Variants in CSMD1 observed in about 807,000 individuals in gnomAD.
CSMD1 encodes CUB and sushi domain-containing protein 1.
CSMD1 carries 213 observed loss-of-function variants against 417.5 expected under a neutral mutation model. That is an observed-to-expected ratio of 0.51 (90% CI 0.46 to 0.57). The LOEUF is 0.57. CSMD1 is among the 20% of genes least tolerant of loss of function. The probability of loss-of-function intolerance (pLI) is 0.00; values close to 1 mark genes in which losing one functional copy is unlikely to be tolerated. For synonymous variants in CSMD1, 2,862 were observed against 1,736.8 expected (o/e 1.65, Z -16.11); for missense variants, 6,923 against 4,529.7 (o/e 1.53, Z -15.17).
chr8:3,276,516 C>T (rs1038146350), intron 26 of CSMD1, among the ~76,000 whole-genome samples: 2 of 152,176 alleles, frequency 1.3e-5, no homozygotes, highest in Non-Finnish European at 2.9e-5. Context: ...GAGTCTTATT[C>T]ACTATCATGA....
chr8:4,294,090 T>C (rs1797532621), intron 3 of CSMD1, among the ~76,000 whole-genome samples: 1 of 152,216 alleles, frequency 6.6e-6, no homozygotes, highest in Non-Finnish European at 1.5e-5. Flanking sequence ...GTTGAAGTTC[T>C]ATATTCCTGT....
chr8:3,817,465 G>C (rs1197523560), intron 5 of CSMD1, among the ~76,000 whole-genome samples: 1 of 151,326 alleles, frequency 6.6e-6, no homozygotes, highest in Non-Finnish European at 1.5e-5. Context: ...GTTTTTAGTA[G>C]AGACGGGGTT....
intron 20 of CSMD1, among the ~76,000 whole-genome samples, chr8:3,364,048 G>C (rs961037516): frequency 6.6e-6 from 1 of 152,086 alleles, no homozygotes; most frequent in African/African-American, 2.4e-5. Flanking sequence ...CGATTAACAG[G>C]AAAGAAGGCA....
intron 3 of CSMD1, among the ~76,000 whole-genome samples, chr8:4,078,962 T>A (rs1210513102): frequency 1.4e-5 from 2 of 144,710 alleles, no homozygotes; most frequent in African/African-American, 2.6e-5. Context: ...AAAGCTATCT[T>A]CTCTTCACTT....
Position 4,863,669 on chromosome 8 carries a change from C to G in CSMD1, c.85+130663G>C, listed in dbSNP as rs78985351. ...CACAGCAAGAATGTCTAATTTGAAT[C>G]TAAATGTGTGCATATCTTAGATTTA... On this transcript the variant is annotated intron_variant, in intron 1 of 69. Transcript: ENST00000635120. Among the ~76,000 whole-genome samples, 706 of 152,074 alleles carry G rather than the reference C, an allele frequency of 4.6e-3. 17 individuals carry two copies. Among genetic ancestry groups the G allele is most frequent in the African/African-American group, 0.016 (675 of 41,428 alleles).
At chr8:4,018,056 G>A (rs989418835) in intron 4 of CSMD1, among the ~76,000 whole-genome samples, 1 of 145,992 alleles carries the variant, frequency 6.8e-6, no homozygotes, top group Non-Finnish European at 1.5e-5. Context: ...CACTAGTGTG[G>A]GTATGTATGC....
intron 23 of CSMD1, among the ~76,000 whole-genome samples, chr8:3,318,638 G>A (rs1012941452): frequency 3.3e-5 from 5 of 152,186 alleles, no homozygotes; most frequent in Non-Finnish European, 5.9e-5. Flanking sequence ...TGCCCTTTGG[G>A]ACTCAGAGTT....
intron 3 of CSMD1, among the ~76,000 whole-genome samples, chr8:4,116,054 G>C (rs1802122405): frequency 6.6e-6 from 1 of 151,430 alleles, no homozygotes; most frequent in Non-Finnish European, 1.5e-5. Context: ...AGGCTAGATT[G>C]TAGTGGCAAT....
chr8:4,732,131 A>G, intron 1 of CSMD1, among the ~76,000 whole-genome samples: 1 of 152,072 alleles, frequency 6.6e-6, no homozygotes, highest in East Asian at 1.9e-4. Flanking sequence ...TCTGAGATTC[A>G]GAGGCTTCTA....
chr8:4,819,426 A>G (rs542104929), intron 1 of CSMD1, among the ~76,000 whole-genome samples: 1 of 151,130 alleles, frequency 6.6e-6, no homozygotes, highest in Non-Finnish European at 1.5e-5. Context: ...TAGAGCAAAT[A>G]AAATTTCCCA....
chr8:3,257,157 G>T (rs778593478), intron 26 of CSMD1, among the ~76,000 whole-genome samples: 1 of 151,996 alleles, frequency 6.6e-6, no homozygotes, highest in Non-Finnish European at 1.5e-5. Context: ...CCCCATCTCC[G>T]CTAAAAACAC....
chr8:3,263,311 C>G (rs1289810262), intron 26 of CSMD1, among the ~76,000 whole-genome samples: 1 of 152,174 alleles, frequency 6.6e-6, no homozygotes, highest in African/African-American at 2.4e-5. Flanking sequence ...GTTGGCCAGG[C>G]TAGTCTCGAA....
At chr8:3,687,789 T>G (rs896192031) in intron 7 of CSMD1, among the ~76,000 whole-genome samples, 2 of 152,156 alleles carry the variant, frequency 1.3e-5, no homozygotes, top group African/African-American at 4.8e-5. Flanking sequence ...AAACACTTGA[T>G]CTTTGCTCCA....
At chr8:3,621,053 T>C (rs1194157779) in intron 7 of CSMD1, among the ~76,000 whole-genome samples, 1 of 151,966 alleles carries the variant, frequency 6.6e-6, no homozygotes, top group African/African-American at 2.4e-5. Context: ...GAAGAATACA[T>C]AAAGGAAAGT....
chr8:3,111,922 C>G (rs1000060730), intron 42 of CSMD1, among the ~76,000 whole-genome samples: 5 of 152,124 alleles, frequency 3.3e-5, no homozygotes, highest in African/African-American at 1.2e-4. Flanking sequence ...TTCCTCCCCT[C>G]CAGACGTCGA....
Position 3,181,192 on chromosome 8 carries a change from C to T in CSMD1, c.5643G>A (p.Leu1881=), listed in dbSNP as rs746817185. The T allele has an allele frequency of 3.1e-6, 5 of 1,613,478 alleles. No individual in the cohort carries two copies. The highest frequency in any genetic ancestry group is 3.4e-6 in the Non-Finnish European group (4 of 1,179,628). The change falls in exon 37 of 70, where the codon CTG becomes CTA. Residue 1881 remains leucine, a synonymous_variant. Coordinates refer to ENST00000635120, the MANE Select transcript of CSMD1 (RefSeq NM_033225.6). ...SFSGTTVPAL[L]NSTSNQLYLH... is the part of the protein sequence containing the mutation. The stretch of plus-strand genomic sequence containing the variant: ...GGTAGAGTTGGTTGGAAGTACTGTT[C>T]AGCAGTGCCGGTACTGTGGTGCCTG...
intron 1 of CSMD1, among the ~76,000 whole-genome samples, chr8:4,721,183 C>T (rs1041333030): frequency 6.6e-6 from 1 of 152,170 alleles, no homozygotes; most frequent in Admixed American, 6.5e-5. Flanking sequence ...TATTGCGATC[C>T]ATATACTTTG....
chr8:4,674,478 A>G (rs1805549110), intron 1 of CSMD1, among the ~76,000 whole-genome samples: 1 of 152,150 alleles, frequency 6.6e-6, no homozygotes, highest in African/African-American at 2.4e-5. Flanking sequence ...GTGTGTATAA[A>G]TGCTCAAAGG....
In CSMD1 at chr8:4,439,129, C is replaced by G. The variant is rs191988337; in HGVS notation, c.303-19064G>C. On this transcript the variant is annotated intron_variant, in intron 2 of 69. Transcript: ENST00000635120. Reference sequence around the variant, plus strand: ...CTAATCAATCAAATCAATTAATCATCTATATCACCTTGTTACTGCTGTGGT... The same window carrying G: ...CTAATCAATCAAATCAATTAATCATGTATATCACCTTGTTACTGCTGTGGT... Among the ~76,000 whole-genome samples the G allele has an allele frequency of 9.2e-5, 14 of 152,222 alleles. No individual in the cohort carries two copies. The East Asian group carries it at 1.7e-3, about 19-fold the overall frequency.
Sources: allele counts gnomAD v4.1 joint callset (sites outside exome capture counted in the v4.1 genomes callset), GRCh38; gene constraint gnomAD v4.1.1; transcripts MANE v1.5; gene names NCBI Gene and HGNC (gene_info 2026-07-23, HGNC 2026-07-21).